NALF1: variants seen among roughly 807,000 people sequenced by gnomAD.
NALF1 encodes NALCN channel auxiliary factor 1, also known as family with sequence similarity 155 member A.
A neutral mutation model predicts 48.4 loss-of-function variants in NALF1; 3 were observed. The observed-to-expected ratio is 0.06, with a 90% CI of 0.03 to 0.16. The LOEUF (loss-of-function observed/expected upper bound fraction) is 0.16, where lower values mean the gene tolerates loss of function less well. Among genes scored for constraint, NALF1 ranks in the 10% least tolerant of loss-of-function variants. The pLI, the probability that NALF1 is intolerant of heterozygous loss-of-function variation, is 1.00. For synonymous variants in NALF1, 262 were observed against 245.7 expected, an observed-to-expected ratio of 1.07 and a Z score of -0.62; for missense variants, 526 against 571.5, an observed-to-expected ratio of 0.92 and a Z score of 0.81.
intron 1 of NALF1, among the ~76,000 whole-genome samples, chr13:107,742,425 G>A (rs1239626360): frequency 6.6e-6 from 1 of 152,150 alleles, no homozygotes; most frequent in East Asian, 1.9e-4. Flanking sequence ...TTGAATCATG[G>A]GGGCGGTTAC....
chr13:107,252,669 G>A (rs1230053758), intron 1 of NALF1, among the ~76,000 whole-genome samples: 2 of 152,168 alleles, frequency 1.3e-5, no homozygotes, highest in Admixed American at 1.3e-4. Flanking sequence ...ACTCGGGGTG[G>A]GGGAAAGAGA....
At chr13:107,453,388 A>C (rs533529373) in intron 1 of NALF1, among the ~76,000 whole-genome samples, 29 of 152,244 alleles carry the variant, frequency 1.9e-4, no homozygotes, top group Admixed American at 1.3e-4. Context: ...CAGGGCTAAC[A>C]CCACATGGAA....
intron 1 of NALF1, among the ~76,000 whole-genome samples, chr13:107,664,044 G>A (rs971683897): frequency 1.3e-5 from 2 of 152,230 alleles, no homozygotes; most frequent in East Asian, 1.9e-4. Context: ...AAGCCCATAT[G>A]TGTACCTTTG....
At chr13:107,757,411 ATTTCT>A (rs1877134034) in intron 1 of NALF1, among the ~76,000 whole-genome samples, 2 of 106,226 alleles carry the variant, frequency 1.9e-5, no homozygotes, top group Admixed American at 2.1e-4. Context: ...ACTGGCCCTC[ATTTCT>A]TTTTTTTTTT....
chr13:107,265,604 C>T (rs920168081), intron 1 of NALF1, among the ~76,000 whole-genome samples: 6 of 151,990 alleles, frequency 3.9e-5, no homozygotes, highest in Non-Finnish European at 8.8e-5. Flanking sequence ...TGGGGTTTCA[C>T]TATGTTGGCC....
chr13:107,756,290 G>A (rs969502271), intron 1 of NALF1, among the ~76,000 whole-genome samples: 1 of 152,084 alleles, frequency 6.6e-6, no homozygotes, highest in African/African-American at 2.4e-5. Flanking sequence ...GTAGTTCAGA[G>A]TGACACCTGA....
chr13:107,763,551 GC>G (rs1005688201), intron 1 of NALF1, among the ~76,000 whole-genome samples: 3 of 149,174 alleles, frequency 2.0e-5, no homozygotes, highest in Admixed American at 2.0e-4. Context: ...CACATTAAAT[GC>G]CCTTCAAAAA....
At chr13:107,516,256 G>A (rs57304505) in intron 1 of NALF1, among the ~76,000 whole-genome samples, 6,729 of 152,210 alleles carry the variant, frequency 0.044, 294 homozygotes, top group African/African-American at 0.11. Context: ...GAACGCAGAC[G>A]TGGAGAAAGA....
At chr13:107,446,653 T>C (rs1884656023) in intron 1 of NALF1, among the ~76,000 whole-genome samples, 1 of 152,228 alleles carries the variant, frequency 6.6e-6, no homozygotes, top group African/African-American at 2.4e-5. Context: ...ATATTATTTA[T>C]AGTGGTGACT....
intron 1 of NALF1, among the ~76,000 whole-genome samples, chr13:107,592,146 T>A (rs1291361798): frequency 1.3e-5 from 2 of 151,974 alleles, no homozygotes; most frequent in Non-Finnish European, 2.9e-5. Flanking sequence ...AATCTGTATG[T>A]AGCTAAAAAT....
intron 1 of NALF1, among the ~76,000 whole-genome samples, chr13:107,358,045 C>T (rs772881083): frequency 1.1e-4 from 16 of 152,006 alleles, no homozygotes; most frequent in African/African-American, 2.9e-4. Context: ...TATATGCACA[C>T]GTGTGCATAT....
At chr13:107,558,955 T>G (rs1566392916) in intron 1 of NALF1, among the ~76,000 whole-genome samples, 1 of 152,162 alleles carries the variant, frequency 6.6e-6, no homozygotes, top group African/African-American at 2.4e-5. Context: ...CTCAGTGCTG[T>G]GGGGTCAGTG....
At chr13:107,626,667 T>C (rs376237397) in intron 1 of NALF1, among the ~76,000 whole-genome samples, 1 of 151,980 alleles carries the variant, frequency 6.6e-6, no homozygotes, top group African/African-American at 2.4e-5. Flanking sequence ...TTATGTTAAA[T>C]GAAATAATCC....
intron 1 of NALF1, among the ~76,000 whole-genome samples, chr13:107,439,085 A>T (rs1051205404): frequency 6.6e-6 from 1 of 152,184 alleles, no homozygotes; most frequent in Non-Finnish European, 1.5e-5. Flanking sequence ...ATTCACAGAT[A>T]GTTATACTTT....
chr13:107,671,806 T>A (rs1326848648), intron 1 of NALF1, among the ~76,000 whole-genome samples: 1 of 152,064 alleles, frequency 6.6e-6, no homozygotes, highest in Admixed American at 6.6e-5. Context: ...ACAGGTTAGG[T>A]TGATGCAACA....
At chr13:107,840,736 C>T (rs1442382904) in intron 1 of NALF1, among the ~76,000 whole-genome samples, 3 of 152,108 alleles carry the variant, frequency 2.0e-5, no homozygotes, top group Admixed American at 6.6e-5. Context: ...TGGACCAAAA[C>T]CAACTTGAAA....
intron 1 of NALF1, among the ~76,000 whole-genome samples, chr13:107,710,761 ATG>A: frequency 8.4e-6 from 1 of 118,476 alleles, no homozygotes; most frequent in South Asian, 3.0e-4. Flanking sequence ...ATATACATAT[ATG>A]TATACACACA....
At chr13:107,474,097 C>T (rs1020235696) in intron 1 of NALF1, among the ~76,000 whole-genome samples, 3 of 152,090 alleles carry the variant, frequency 2.0e-5, no homozygotes, top group African/African-American at 7.2e-5. Flanking sequence ...CTATTGACTA[C>T]TTTTCTCAAT....
intron 1 of NALF1, among the ~76,000 whole-genome samples, chr13:107,514,667 T>TA (rs1467699340): frequency 1.3e-5 from 2 of 152,164 alleles, no homozygotes; most frequent in Non-Finnish European, 2.9e-5. Context: ...TAGAATAAAT[T>TA]AATATATGTT....
Sources: allele counts gnomAD v4.1 joint callset (sites outside exome capture counted in the v4.1 genomes callset), GRCh38; gene constraint gnomAD v4.1.1; transcripts MANE v1.5; gene names NCBI Gene and HGNC (gene_info 2026-07-23, HGNC 2026-07-21).